The following UTRN variants were observed in gnomAD, a reference collection of about 807,000 sequenced individuals.
The protein encoded by UTRN is utrophin.
A neutral mutation model predicts 463.9 loss-of-function variants in UTRN; 283 were observed. That is an observed-to-expected ratio of 0.61 (90% confidence interval 0.55 to 0.67). UTRN has a LOEUF of 0.67. Ranked by LOEUF, UTRN falls within the 30% of genes least tolerant of loss-of-function variation. The probability of loss-of-function intolerance (pLI) is 0.00; values close to 1 mark genes in which losing one functional copy is unlikely to be tolerated. For synonymous variants in UTRN, 1,442 were observed against 1,431.5 expected (o/e 1.01, Z -0.17); for missense variants, 3,922 against 4,084.3 (o/e 0.96, Z 1.08).
At chr6:144,678,364 A>C in intron 51 of UTRN, 42 bp from the exon 52 acceptor site, 3 of 1,581,480 alleles carry the variant, frequency 1.9e-6, no homozygotes, top group East Asian at 2.2e-5. Flanking sequence ...AGATATACTG[A>C]TTCCTAACAC....
At position 144,287,393 on chromosome 6, in the gene UTRN, C is replaced by T. The variant is rs951036349; in HGVS notation, c.-93+1572C>T. Among the ~76,000 whole-genome samples, 5 of 152,254 alleles carry T rather than the reference C, an allele frequency of 3.3e-5. No individual in the cohort carries two copies. In the South Asian group the frequency reaches 1.0e-3, roughly 32 times the overall value. On this transcript the variant is annotated intron_variant, in intron 1 of 74. Coordinates refer to ENST00000367545, the MANE Select transcript of UTRN (RefSeq NM_007124.3). ...TGTAAATGGCAGTTCTTGGCACTCA[C>T]CGTTTTCTTTTACTGTGTTTCAAGC...
chr6:144,693,339 T>G (rs934914853), intron 52 of UTRN, among the ~76,000 whole-genome samples: 2 of 152,218 alleles, frequency 1.3e-5, no homozygotes, highest in African/African-American at 4.8e-5. Context: ...GCCTCCAGCT[T>G]TATTCTTTTT....
At chr6:144,508,594 T>C (rs939154221) in intron 34 of UTRN, among the ~76,000 whole-genome samples, 2 of 152,226 alleles carry the variant, frequency 1.3e-5, no homozygotes, top group African/African-American at 4.8e-5. Flanking sequence ...ATGAACCAAG[T>C]ACCTCTGTTG....
chr6:144,485,582 A>G (rs1792359114), intron 28 of UTRN, 63 bp downstream of exon 28: 2 of 1,600,436 alleles, frequency 1.2e-6, no homozygotes, highest in Non-Finnish European at 1.7e-6. Flanking sequence ...GTGTATTACA[A>G]TGAGGAATGT....
chr6:144,780,371 A>G (rs1775716026), intron 60 of UTRN, among the ~76,000 whole-genome samples: 1 of 152,114 alleles, frequency 6.6e-6, no homozygotes, highest in Admixed American at 6.5e-5. Flanking sequence ...TTAATGCCAA[A>G]AAGTTAAAAA....
chr6:144,374,570 G>A lies in UTRN; in HGVS notation c.80-28553G>A, dbSNP rs1466603988. On this transcript the variant is annotated intron_variant, in intron 2 of 74. Coordinates refer to ENST00000367545, the MANE Select transcript of UTRN (RefSeq NM_007124.3). The stretch of plus-strand genomic sequence containing the variant: ...GTGATCTCGGCTCATTGCAACCTCC[G>A]CCTCCCGGGCTCAAGTGATTCTCTT... Among the ~76,000 whole-genome samples, 92 of 150,982 alleles carry A rather than the reference G, an allele frequency of 6.1e-4. 1 individual carries two copies. Among genetic ancestry groups the A allele is most frequent in the Admixed American group, 5.4e-3 (82 of 15,142 alleles).
chr6:144,717,871 A>AGG, intron 53 of UTRN, among the ~76,000 whole-genome samples: 1 of 151,806 alleles, frequency 6.6e-6, no homozygotes. Flanking sequence ...TCCTGACCTC[A>AGG]TGATCCACCC....
At chr6:144,599,739 G>A (rs1223659557) in intron 51 of UTRN, among the ~76,000 whole-genome samples, 1 of 152,126 alleles carries the variant, frequency 6.6e-6, no homozygotes, top group Admixed American at 6.5e-5. Context: ...ATACTATTCA[G>A]AAGGGAATAT....
chr6:144,742,055 G>T (rs1458475438), intron 54 of UTRN, among the ~76,000 whole-genome samples: 1 of 150,312 alleles, frequency 6.7e-6, no homozygotes, highest in Non-Finnish European at 1.5e-5. Context: ...AGGTCTTGAT[G>T]TTCCCTAAAT....
At chr6:144,627,322 C>T (rs985327459) in intron 51 of UTRN, among the ~76,000 whole-genome samples, 2 of 152,176 alleles carry the variant, frequency 1.3e-5, no homozygotes, top group Non-Finnish European at 2.9e-5. Flanking sequence ...ATTCATTTAT[C>T]GGTTTACTTT....
intron 63 of UTRN, 104 bp downstream of exon 63, chr6:144,794,095 G>A: frequency 6.8e-7 from 1 of 1,467,420 alleles, no homozygotes; most frequent in Non-Finnish European, 9.1e-7. Context: ...AATACTGGAA[G>A]ACTTTGGGTA....
chr6:144,783,468 T>C (rs1776034451), intron 61 of UTRN, among the ~76,000 whole-genome samples: 1 of 152,294 alleles, frequency 6.6e-6, no homozygotes, highest in African/African-American at 2.4e-5. Flanking sequence ...TAACTGTACA[T>C]ATTTATGAGG....
intron 38 of UTRN, 50 bp downstream of exon 38, chr6:144,516,437 A>G (rs754124807): frequency 1.9e-6 from 3 of 1,551,138 alleles, no homozygotes; most frequent in African/African-American, 1.4e-5. Flanking sequence ...TTTCTTCTCT[A>G]TTAATTTCAT....
intron 51 of UTRN, among the ~76,000 whole-genome samples, chr6:144,665,482 G>A (rs1452235735): frequency 1.3e-5 from 2 of 152,110 alleles, no homozygotes; most frequent in African/African-American, 4.8e-5. Context: ...TTATAAACAA[G>A]TTATTTGATA....
chr6:144,603,014 C>T (rs571377718), intron 51 of UTRN, among the ~76,000 whole-genome samples: 5 of 152,202 alleles, frequency 3.3e-5, no homozygotes, highest in South Asian at 2.1e-4. Context: ...CTCTGAGATA[C>T]GCCTGTATGC....
chr6:144,597,645 G>A lies in UTRN; in HGVS notation c.7479+20357G>A, dbSNP rs375332228. Among the ~76,000 whole-genome samples, 21 of 152,266 alleles carry A rather than the reference G, an allele frequency of 1.4e-4. No homozygotes were observed. The East Asian group carries it at 3.7e-3, about 27-fold the overall frequency. On this transcript the variant is annotated intron_variant, in intron 51 of 74. Transcript: ENST00000367545. ...TTGTCTTTCTTATTCATCAAGGTTA[G>A]TAGAAAGTTGTCAAGTTTCTATTCT...
chr6:144,664,478 T>G (rs1428177286), intron 51 of UTRN, among the ~76,000 whole-genome samples: 1 of 151,722 alleles, frequency 6.6e-6, no homozygotes, highest in African/African-American at 2.4e-5. Flanking sequence ...TTACTTTTTT[T>G]TTTTTTTTGG....
chr6:144,827,424 G>A (rs375828257), intron 67 of UTRN, 38 bp downstream of exon 67: 16 of 1,612,538 alleles, frequency 9.9e-6, no homozygotes, highest in Non-Finnish European at 1.2e-5. Context: ...GAGGTGTTCT[G>A]ATCAGTGGTA....
intron 52 of UTRN, among the ~76,000 whole-genome samples, chr6:144,690,667 C>A (rs900958053): frequency 3.3e-5 from 5 of 152,156 alleles, no homozygotes; most frequent in Non-Finnish European, 7.3e-5. Context: ...TCAGGAATGA[C>A]TTCCCTTCAT....
Sources: allele counts gnomAD v4.1 joint callset (sites outside exome capture counted in the v4.1 genomes callset), GRCh38; gene constraint gnomAD v4.1.1; transcripts MANE v1.5; gene names NCBI Gene and HGNC (gene_info 2026-07-23, HGNC 2026-07-21).